Variants in MEX3A observed in about 807,000 individuals in gnomAD.
MEX3A encodes the protein RNA-binding protein MEX3A.
In MEX3A, 4 loss-of-function variants were observed where a neutral mutation model predicts 30.0. That is an observed-to-expected ratio of 0.13 (90% CI 0.07 to 0.30). The LOEUF is 0.30. MEX3A is among the 10% of genes least tolerant of loss of function. The pLI is 1.00. For missense variants in MEX3A, 555 were observed against 736.7 expected, an observed-to-expected ratio of 0.75 and a Z score of 2.86; for synonymous variants, 335 against 327.6, an observed-to-expected ratio of 1.02 and a Z score of -0.24.
intron 1 of MEX3A, among the ~76,000 whole-genome samples, chr1:156,081,121 GT>G (rs1648216723): frequency 6.6e-6 from 1 of 152,120 alleles, no homozygotes; most frequent in Non-Finnish European, 1.5e-5. Context: ...CCCAAAGTCT[GT>G]AACTCCAGGC....
chr1:156,078,900 C>T (rs781190569), intron 1 of MEX3A, among the ~76,000 whole-genome samples: 36 of 152,160 alleles, frequency 2.4e-4, no homozygotes, highest in Non-Finnish European at 3.5e-4. Context: ...GCCTTTCATA[C>T]ATCCCACTGT....
chr1:156,078,199 A>C (rs538377901), intron 1 of MEX3A, among the ~76,000 whole-genome samples: 2 of 152,278 alleles, frequency 1.3e-5, no homozygotes, highest in South Asian at 4.2e-4. Flanking sequence ...TTGATCATTA[A>C]AAGTGTCCTC....
At chr1:156,079,268 C>CAG (rs1251634315) in intron 1 of MEX3A, among the ~76,000 whole-genome samples, 1 of 151,898 alleles carries the variant, frequency 6.6e-6, no homozygotes, top group Non-Finnish European at 1.5e-5. Flanking sequence ...GGCTGGAGTG[C>CAG]AGTGGCATAA....
intron 1 of MEX3A, among the ~76,000 whole-genome samples, chr1:156,080,450 C>T (rs1268806911): frequency 1.3e-5 from 2 of 152,250 alleles, no homozygotes; most frequent in South Asian, 2.1e-4. Flanking sequence ...TCCCGCACTC[C>T]CAGCCGGAAT....
Position 156,072,489 on chromosome 1 carries a change from T to C in MEX3A, c.*4085A>G, listed in dbSNP as rs1647942285. Reference sequence around the variant, plus strand: ...GCCAGGGAGGGGGATGGCAGAGTCATTGGTGTAATGAAGCAGGCTCCTCCT... The same window carrying C: ...GCCAGGGAGGGGGATGGCAGAGTCACTGGTGTAATGAAGCAGGCTCCTCCT... On this transcript the variant is annotated 3_prime_UTR_variant, in exon 2 of 2. Transcript: ENST00000532414. 6.6e-6 allele frequency: 1 copy of C among 152,510 alleles called. No individual in the cohort carries two copies. The highest frequency in any genetic ancestry group is 2.4e-5 in the African/African-American group (1 of 41,340). 9.4% of individuals were successfully genotyped at this position (152,510 alleles called of 1,614,324 possible).
rs886676456 is a variant in MEX3A, at chr1:156,072,717, T to A, written c.*3857A>T. 1 of 152,718 alleles carries A rather than the reference T, an allele frequency of 6.5e-6. No individual in the cohort carries two copies. The highest frequency in any genetic ancestry group is 1.5e-5 in the Non-Finnish European group (1 of 68,036). The allele number at this position is 152,718 out of a possible 1,614,324, so 9.5% of individuals were successfully genotyped here. A position where few individuals can be genotyped will look rare whatever the true frequency, so the allele number is the denominator to read the frequency against. ...TAGATGACCCCTACCTGAACACATATAGATGGAGGTGAACTGGAGCAGAGG... is the reference window on the plus strand; with the variant it reads ...TAGATGACCCCTACCTGAACACATAAAGATGGAGGTGAACTGGAGCAGAGG... On this transcript the variant is annotated 3_prime_UTR_variant, in exon 2 of 2. Coordinates refer to ENST00000532414, the MANE Select transcript of MEX3A (RefSeq NM_001093725.2).
intron 1 of MEX3A, among the ~76,000 whole-genome samples, chr1:156,078,703 C>T (rs1285852938): frequency 6.6e-6 from 1 of 152,180 alleles, no homozygotes; most frequent in Non-Finnish European, 1.5e-5. Flanking sequence ...CCACCTTCCT[C>T]TTCCCTGCTC....
At chr1:156,078,592 A>AAGAGAGACAAAGAGGGAGAAGGCT (rs1648134502) in intron 1 of MEX3A, among the ~76,000 whole-genome samples, 1 of 151,810 alleles carries the variant, frequency 6.6e-6, no homozygotes, top group Non-Finnish European at 1.5e-5. Context: ...AAATGAGACA[A>AAGAGAGACAAAGAGGGAGAAGGCT]AGAGAGACAA....
At position 156,077,685 on chromosome 1, in the gene MEX3A, G is replaced by T. The variant is rs1231119418; in HGVS notation, c.455-3C>A. The T allele has an allele frequency of 1.9e-6, 3 of 1,578,240 alleles. No homozygotes were observed. In the South Asian group the frequency reaches 3.4e-5, roughly 18 times the overall value. ...CCTCAAGGCCTTAATCTTGCAGCCT[G>T]GGATAGGGCGGGGAAGGAGAGAGAC... On this transcript the variant is annotated splice_polypyrimidine_tract_variant and splice_region_variant and intron_variant, in intron 1 of 1. Transcript: ENST00000532414. This position sits in a 1 kb window ranked among gnomAD's most constrained non-coding sequence, Gnocchi z 8.3.
At position 156,082,240 on chromosome 1, in the gene MEX3A, G is replaced by T. The variant is rs1293563652; in HGVS notation, c.-242C>A. Among the ~76,000 whole-genome samples, 1 of 139,456 alleles carries T rather than the reference G, an allele frequency of 7.2e-6. No individual in the cohort carries two copies. Among genetic ancestry groups the T allele is most frequent in the African/African-American group, 2.6e-5 (1 of 37,826 alleles). The allele number at this position is 139,456 out of a possible 152,430, so 91.5% of individuals were successfully genotyped here. On this transcript the variant is annotated 5_prime_UTR_variant, in exon 1 of 2. Transcript: ENST00000532414. ...CCAGCCCCCGGGGTGGGGGTGGGGGGAAAGAGAAGCAAAACCAAGAAAGCA... is the reference window on the plus strand; with the variant it reads ...CCAGCCCCCGGGGTGGGGGTGGGGGTAAAGAGAAGCAAAACCAAGAAAGCA...
rs1202758241 is a variant in MEX3A at position 156,077,194 on chromosome 1, T to C, written c.943A>G (p.Ser315Gly). 2 of 1,613,442 alleles carry C rather than the reference T, an allele frequency of 1.2e-6. No homozygotes were observed. Among genetic ancestry groups the C allele is most frequent in the Admixed American group, 3.3e-5 (2 of 60,012 alleles). ...ACCCGCCAGGCGTCGGAGTAGCGGC[T>C]ATCGATTGCTGCGTCGGGGCTCCCC... The part of the protein sequence containing the change: ...LAGSPDAAID[S>G]RYSDAWRVHQ... Residue 315 changes from serine to glycine, a missense_variant, in exon 2 of 2, where the codon AGC (serine) becomes GGC (glycine). Ser to Gly is a moderately conservative substitution (Grantham distance 56). Coordinates refer to ENST00000532414, the MANE Select transcript of MEX3A (RefSeq NM_001093725.2). The surrounding 1 kb of genome is among the most constrained non-coding windows in gnomAD (Gnocchi z 8.3).
chr1:156,073,467 G>A lies in MEX3A; in HGVS notation c.*3107C>T, dbSNP rs1345545407. ...ATCCAACCCTGGTATCTGAAGATTG[G>A]GCAACTCAGGGTGGACTCAGCCACT... On this transcript the variant is annotated 3_prime_UTR_variant, in exon 2 of 2. Coordinates refer to ENST00000532414, the MANE Select transcript of MEX3A (RefSeq NM_001093725.2). 2 of 152,602 alleles carry A rather than the reference G, an allele frequency of 1.3e-5. No individual in the cohort carries two copies. The highest frequency in any genetic ancestry group is 2.9e-5 in the Non-Finnish European group (2 of 68,000). 9.5% of individuals were successfully genotyped at this position (152,602 alleles called of 1,614,324 possible).
Position 156,076,342 on chromosome 1 carries a change from C to T in MEX3A, c.*232G>A. 4.2e-6 allele frequency: 2 copies of T among 475,086 alleles called. No individual in the cohort carries two copies. The highest frequency in any genetic ancestry group is 3.7e-6 in the Non-Finnish European group (1 of 270,702). 29.4% of individuals were successfully genotyped at this position (475,086 alleles called of 1,614,324 possible). On this transcript the variant is annotated 3_prime_UTR_variant, in exon 2 of 2. Coordinates refer to ENST00000532414, the MANE Select transcript of MEX3A (RefSeq NM_001093725.2). The surrounding 1 kb of genome is among the most constrained non-coding windows in gnomAD (Gnocchi z 6.0). The stretch of plus-strand genomic sequence containing the variant: ...GTGTGTTGAGGTATCAGAGTTGTAA[C>T]TCTAGTAAAATTTTCAGTCTGGCCC...
intron 1 of MEX3A, among the ~76,000 whole-genome samples, chr1:156,078,208 T>TC: frequency 6.6e-6 from 1 of 152,200 alleles, no homozygotes; most frequent in South Asian, 2.1e-4. Flanking sequence ...AAAAGTGTCC[T>TC]CCAAACTACC....
At position 156,076,412 on chromosome 1, in the gene MEX3A, G is replaced by A; in HGVS notation, c.*162C>T. The A allele has an allele frequency of 1.4e-6, 1 of 706,050 alleles. No individual in the cohort carries two copies. The highest frequency in any genetic ancestry group is 2.2e-6 in the Non-Finnish European group (1 of 445,588). 43.7% of individuals were successfully genotyped at this position (706,050 alleles called of 1,614,324 possible). On this transcript the variant is annotated 3_prime_UTR_variant, in exon 2 of 2. Transcript: ENST00000532414. The surrounding 1 kb of genome is among the most constrained non-coding windows in gnomAD (Gnocchi z 6.0). ...CAGGGTGACCAGAGGCTCTGAAAGT[G>A]GCGCACCCTCCAGCCACCACTGCCT...
chr1:156,076,598 C>A lies in MEX3A; in HGVS notation c.1539G>T (p.Thr513=). Residue 513 remains threonine (T), a synonymous_variant, in exon 2 of 2, where the codon ACG becomes ACT. Coordinates refer to ENST00000532414, the MANE Select transcript of MEX3A (RefSeq NM_001093725.2). The surrounding 1 kb of genome is among the most constrained non-coding windows in gnomAD (Gnocchi z 6.0). ...PECPVCHITA[T]QAIRIFS is the part of the protein sequence containing the mutation. The stretch of plus-strand genomic sequence containing the variant: ...CTTAGGAGAATATTCGGATGGCTTG[C>A]GTGGCTGTGATGTGGCAGACGGGAC... 1.2e-6 allele frequency: 2 copies of A among 1,612,858 alleles called. No homozygotes were observed. Among genetic ancestry groups the A allele is most frequent in the South Asian group, 2.2e-5 (2 of 91,050 alleles).
At position 156,076,940 on chromosome 1, in the gene MEX3A, C is replaced by A. The variant is rs574574823; in HGVS notation, c.1197G>T (p.Thr399=). ...PPLWAGQENA[T]PTSVLFSSAS... ...CAGAGGAGAAGAGCACGGAGGTGGG[C>A]GTGGCGTTCTCCTGGCCCGCCCACA... Residue 399 remains threonine, a synonymous_variant, in exon 2 of 2, where the codon ACG becomes ACT. Coordinates refer to ENST00000532414, the MANE Select transcript of MEX3A (RefSeq NM_001093725.2). The surrounding 1 kb of genome is among the most constrained non-coding windows in gnomAD (Gnocchi z 6.0). The A allele has an allele frequency of 2.6e-4, 411 of 1,604,610 alleles. 5 individuals carry two copies. The South Asian group carries it at 4.3e-3, about 17-fold the overall frequency.
At chr1:156,081,476 A>T (rs927202929) in intron 1 of MEX3A, 69 bp downstream of exon 1, 11 of 1,375,498 alleles carry the variant, frequency 8.0e-6, no homozygotes, top group Non-Finnish European at 1.1e-5. Context: ...GGAAGAAATG[A>T]ACTTTCCGCG....
In MEX3A at chr1:156,077,654, C is replaced by T. The variant is rs768366525; in HGVS notation, c.483G>A (p.Lys161=). Residue 161 remains lysine (K), a synonymous_variant, in exon 2 of 2, where the codon AAG becomes AAA. Coordinates refer to ENST00000532414, the MANE Select transcript of MEX3A (RefSeq NM_001093725.2). The surrounding 1 kb of genome is among the most constrained non-coding windows in gnomAD (Gnocchi z 8.3). ...QGCKIKALRA[K]TNTYIKTPVR... ...CCGGTGTCTTGATGTAGGTGTTGGT[C>T]TTGGCCCTCAAGGCCTTAATCTTGC... 1.9e-6 allele frequency: 3 copies of T among 1,598,798 alleles called. No homozygotes were observed. Among genetic ancestry groups the T allele is most frequent in the Non-Finnish European group, 2.6e-6 (3 of 1,176,262 alleles).
Sources: allele counts gnomAD v4.1 joint callset (sites outside exome capture counted in the v4.1 genomes callset), GRCh38; gene constraint gnomAD v4.1.1; non-coding constraint Gnocchi (gnomAD v3.1); transcripts MANE v1.5; gene names NCBI Gene and HGNC (gene_info 2026-07-23, HGNC 2026-07-21).